Variants in CAB39 observed in about 807,000 individuals in gnomAD.
The protein encoded by CAB39 is calcium binding protein 39, also known as calcium-binding protein 39.
A neutral mutation model predicts 40.0 loss-of-function variants in CAB39; 8 were observed. The observed-to-expected ratio is 0.20, with a 90% CI of 0.12 to 0.36. The LOEUF is 0.36. CAB39 is among the 10% of genes least tolerant of loss of function. The pLI, the probability that CAB39 is intolerant of heterozygous loss-of-function variation, is 1.00. For synonymous variants in CAB39, 156 were observed against 141.6 expected (o/e 1.10, Z -0.72); for missense variants, 270 against 401.1 (o/e 0.67, Z 2.79).
At chr2:230,734,701 A>G (rs1314502447) in intron 1 of CAB39, among the ~76,000 whole-genome samples, 1 of 152,024 alleles carries the variant, frequency 6.6e-6, no homozygotes, top group Non-Finnish European at 1.5e-5. Flanking sequence ...TCCTCATGTT[A>G]GTCTTAAATG....
intron 1 of CAB39, among the ~76,000 whole-genome samples, chr2:230,744,903 A>C (rs560485290): frequency 1.3e-5 from 2 of 152,352 alleles, no homozygotes; most frequent in East Asian, 3.9e-4. Flanking sequence ...TCTCTAAAAA[A>C]TCAGCTACTA....
At chr2:230,771,803 G>A (rs1034284087) in intron 2 of CAB39, among the ~76,000 whole-genome samples, 2 of 152,186 alleles carry the variant, frequency 1.3e-5, no homozygotes, top group Non-Finnish European at 2.9e-5. Context: ...CACATGTATG[G>A]AACATTGATT....
intron 1 of CAB39, among the ~76,000 whole-genome samples, chr2:230,718,403 G>A (rs1021442508): frequency 6.6e-6 from 1 of 152,144 alleles, no homozygotes; most frequent in Non-Finnish European, 1.5e-5. Flanking sequence ...AGAAATACTT[G>A]GACAGGTTTC....
At chr2:230,746,614 A>G (rs1694982367) in intron 1 of CAB39, among the ~76,000 whole-genome samples, 1 of 152,204 alleles carries the variant, frequency 6.6e-6, no homozygotes, top group Non-Finnish European at 1.5e-5. Context: ...CAAAGGTGTG[A>G]GTCCAGCTTT....
intron 2 of CAB39, among the ~76,000 whole-genome samples, chr2:230,773,244 G>A (rs1429892856): frequency 2.0e-5 from 3 of 150,676 alleles, no homozygotes; most frequent in African/African-American, 4.9e-5. Flanking sequence ...TGGTGGTTAC[G>A]GTTTTGGTGG....
At chr2:230,790,761 G>A (rs1695879675) in intron 2 of CAB39, 111 bp from the exon 3 acceptor site, 1 of 878,028 alleles carries the variant, frequency 1.1e-6, no homozygotes, top group African/African-American at 1.7e-5. Context: ...CTTGTTCATA[G>A]GTCCATGGGT....
chr2:230,818,408 C>T (rs1005200777), intron 8 of CAB39, 108 bp from the exon 9 acceptor site: 27 of 815,310 alleles, frequency 3.3e-5, no homozygotes, highest in South Asian at 7.4e-5. Context: ...CTGACTTCAG[C>T]GCCATCCCAG....
At chr2:230,745,872 G>C (rs146072372) in intron 1 of CAB39, among the ~76,000 whole-genome samples, 2,990 of 152,130 alleles carry the variant, frequency 0.02, 90 homozygotes, top group African/African-American at 0.068. Flanking sequence ...TGATCCGCCT[G>C]CTTCGGCCTC....
chr2:230,805,843 A>G (rs1696183357), intron 5 of CAB39, among the ~76,000 whole-genome samples: 2 of 152,218 alleles, frequency 1.3e-5, no homozygotes, highest in Admixed American at 6.5e-5. Context: ...CCTGCAGAGA[A>G]ACTTCTAGCG....
intron 2 of CAB39, among the ~76,000 whole-genome samples, chr2:230,763,773 T>A (rs893316960): frequency 5.9e-5 from 9 of 152,194 alleles, no homozygotes; most frequent in Admixed American, 1.3e-4. Context: ...ACTCTGTACT[T>A]TGAACGAAAC....
intron 1 of CAB39, among the ~76,000 whole-genome samples, chr2:230,728,242 A>G (rs908259040): frequency 5.3e-5 from 8 of 151,062 alleles, no homozygotes; most frequent in African/African-American, 2.0e-4. Flanking sequence ...CGTCTCAAAA[A>G]TAAATAAATA....
intron 2 of CAB39, among the ~76,000 whole-genome samples, chr2:230,789,098 A>G (rs1357758632): frequency 6.6e-5 from 10 of 152,110 alleles, no homozygotes; most frequent in African/African-American, 2.4e-4. Context: ...CATTTTAGAT[A>G]GTTTTTAGGC....
At chr2:230,809,143 G>T (rs1696258228) in intron 5 of CAB39, among the ~76,000 whole-genome samples, 1 of 152,132 alleles carries the variant, frequency 6.6e-6, no homozygotes, top group Admixed American at 6.5e-5. Flanking sequence ...GGCCCTTTCG[G>T]GAAGGGCTTT....
chr2:230,770,463 C>T (rs1695462529), intron 2 of CAB39, among the ~76,000 whole-genome samples: 1 of 152,188 alleles, frequency 6.6e-6, no homozygotes, highest in African/African-American at 2.4e-5. Context: ...CCTTCCTTAT[C>T]ACAGTGAAGA....
At chr2:230,800,759 T>C (rs541361133) in intron 5 of CAB39, among the ~76,000 whole-genome samples, 1 of 152,282 alleles carries the variant, frequency 6.6e-6, no homozygotes, top group South Asian at 2.1e-4. Context: ...GTTGACATGC[T>C]TCTGGCACAG....
intron 1 of CAB39, among the ~76,000 whole-genome samples, chr2:230,736,901 A>T (rs568230474): frequency 9.8e-5 from 15 of 152,308 alleles, no homozygotes; most frequent in Admixed American, 3.3e-4. Flanking sequence ...ATAATGATTC[A>T]TGCTGCCAAC....
intron 1 of CAB39, among the ~76,000 whole-genome samples, chr2:230,753,358 C>A (rs528376958): frequency 6.6e-6 from 1 of 152,314 alleles, no homozygotes; most frequent in African/African-American, 2.4e-5. Context: ...ATAGCAGGTA[C>A]GGATTGCCAC....
In CAB39 at chr2:230,814,124, A is replaced by T; in HGVS notation, c.693+10A>T. ...AAGACAGTCACTGAAGGTATGACAG[A>T]CCATTTTGTATAGCTTATTTCTCTG... On this transcript the variant is annotated intron_variant, in intron 7 of 8. Transcript: ENST00000258418. 7.3e-7 allele frequency: 1 copy of T among 1,365,870 alleles called. No individual in the cohort carries two copies. The highest frequency in any genetic ancestry group is 1.0e-6 in the Non-Finnish European group (1 of 977,152). 84.6% of individuals were successfully genotyped at this position (1,365,870 alleles called of 1,614,324 possible). A position where few individuals can be genotyped will look rare whatever the true frequency, so the allele number is the denominator to read the frequency against.
In CAB39 at chr2:230,743,210, C is replaced by T. The variant is rs533986631; in HGVS notation, c.-43-16749C>T. Among the ~76,000 whole-genome samples, 10 of 152,188 alleles carry T rather than the reference C, an allele frequency of 6.6e-5. No individual in the cohort carries two copies. The South Asian group carries it at 1.9e-3, about 28-fold the overall frequency. On this transcript the variant is annotated intron_variant, in intron 1 of 8. Transcript: ENST00000258418. Reference sequence around the variant, plus strand: ...AAGACAAGGAGTTGCAGTTTCTTTCCCTTCACTCACTCTATATGACTTCCA... The same window carrying T: ...AAGACAAGGAGTTGCAGTTTCTTTCTCTTCACTCACTCTATATGACTTCCA...
Sources: allele counts gnomAD v4.1 joint callset (sites outside exome capture counted in the v4.1 genomes callset), GRCh38; gene constraint gnomAD v4.1.1; transcripts MANE v1.5; gene names NCBI Gene and HGNC (gene_info 2026-07-23, HGNC 2026-07-21).